Variants in ENKUR observed in about 807,000 individuals in gnomAD.
ENKUR encodes the protein enkurin, TRPC channel interacting protein.
ENKUR carries 19 observed loss-of-function variants against 27.6 expected under a neutral mutation model. That is an observed-to-expected ratio of 0.69 (90% CI 0.48 to 1.01). The LOEUF (loss-of-function observed/expected upper bound fraction) is 1.01, where lower values mean the gene tolerates loss of function less well. Among genes scored for constraint, ENKUR ranks in the 50% least tolerant of loss-of-function variants. ENKUR has a pLI of 0.00. For synonymous variants in ENKUR, 117 were observed against 96.9 expected (o/e 1.21, Z -1.22); for missense variants, 312 against 310.5 (o/e 1.00, Z -0.04).
upstream of ENKUR, among the ~76,000 whole-genome samples, chr10:25,017,381 A>G (rs1850624119): frequency 6.6e-6 from 1 of 152,112 alleles, no homozygotes; most frequent in Non-Finnish European, 1.5e-5. Flanking sequence ...AGGAAGATGG[A>G]TGCCTCTGAA....
At chr10:25,041,110 T>C in intron 2 of ENKUR, among the ~76,000 whole-genome samples, 1 of 152,342 alleles carries the variant, frequency 6.6e-6, no homozygotes, top group Non-Finnish European at 1.5e-5. Flanking sequence ...TTTAGTCACT[T>C]TTTTTTCATT....
chr10:25,055,800 C>T (rs922103585), intron 2 of ENKUR, among the ~76,000 whole-genome samples: 1 of 152,148 alleles, frequency 6.6e-6, no homozygotes, highest in Non-Finnish European at 1.5e-5. Flanking sequence ...CGGTATGATG[C>T]ATCTGTTTAT....
chr10:25,001,514 T>C (rs1481240726), intron 1 of ENKUR, among the ~76,000 whole-genome samples: 1 of 152,142 alleles, frequency 6.6e-6, no homozygotes, highest in African/African-American at 2.4e-5. Context: ...CTTTGACTGC[T>C]TGATATTGTT....
At position 24,995,781 on chromosome 10, in the gene ENKUR, A is replaced by G. The variant is rs1850037426; in HGVS notation, c.312T>C (p.Asn104=). 6.2e-7 allele frequency: 1 copy of G among 1,613,878 alleles called. No individual in the cohort carries two copies. The highest frequency in any genetic ancestry group is 8.5e-7 in the Non-Finnish European group (1 of 1,179,980). ...TATCAGCTGCATTTGTATTTATAAA[A>G]TTTTTTCCACTCTGTATTCCCATGA... ...HPVMGIQSGK[N]FINTNAADII... is the part of the protein sequence containing the mutation. Residue 104 remains asparagine, a synonymous_variant, in exon 3 of 6, where the codon AAT becomes AAC. Transcript: ENST00000331161.
intron 2 of ENKUR, chr10:25,025,173 A>C: frequency 6.2e-7 from 1 of 1,614,208 alleles, no homozygotes; most frequent in Non-Finnish European, 8.5e-7. Flanking sequence ...AAGTGGTTGC[A>C]GATAGGGTGC....
chr10:25,025,376 T>G (rs775488389), intron 2 of ENKUR: 1 of 1,614,228 alleles, frequency 6.2e-7, no homozygotes, highest in East Asian at 2.2e-5. Context: ...CAAGAGAAGA[T>G]GGAGTACCAG....
intron 2 of ENKUR, among the ~76,000 whole-genome samples, chr10:25,038,939 G>A (rs1243789167): frequency 1.3e-5 from 2 of 152,196 alleles, no homozygotes; most frequent in Non-Finnish European, 2.9e-5. Context: ...ATAAAAATGT[G>A]TACAGTGAGA....
upstream of ENKUR, chr10:25,016,190 G>A: frequency 1.7e-6 from 2 of 1,177,058 alleles, no homozygotes; most frequent in Non-Finnish European, 2.1e-6. Context: ...ACTAGGCAAC[G>A]AGGAAGTGGC....
At chr10:25,041,864 A>T (rs1851068161) in intron 2 of ENKUR, among the ~76,000 whole-genome samples, 1 of 152,202 alleles carries the variant, frequency 6.6e-6, no homozygotes, top group Non-Finnish European at 1.5e-5. Flanking sequence ...AAAGACACAA[A>T]AGACTATGGA....
At chr10:25,039,842 C>A (rs1438317795) in intron 2 of ENKUR, among the ~76,000 whole-genome samples, 1 of 151,546 alleles carries the variant, frequency 6.6e-6, no homozygotes, top group Non-Finnish European at 1.5e-5. Flanking sequence ...TCAACTGGAG[C>A]TGGAGGATCC....
upstream of ENKUR, among the ~76,000 whole-genome samples, chr10:25,020,516 C>A (rs1850698767): frequency 6.6e-6 from 1 of 151,952 alleles, no homozygotes; most frequent in South Asian, 2.1e-4. Flanking sequence ...CCTCTAATCC[C>A]AGCACTTTGG....
intron 1 of ENKUR, among the ~76,000 whole-genome samples, chr10:25,012,228 C>T (rs758242012): frequency 6.6e-5 from 10 of 152,188 alleles, no homozygotes; most frequent in East Asian, 1.9e-4. Flanking sequence ...AGATGTGCTT[C>T]GGGGCAGAGC....
chr10:25,057,531 A>T (rs1851275434), intron 2 of ENKUR, among the ~76,000 whole-genome samples: 1 of 152,262 alleles, frequency 6.6e-6, no homozygotes, highest in East Asian at 1.9e-4. Flanking sequence ...ATAACATTTT[A>T]TTCAATGAAT....
rs141651847 is a variant in ENKUR at position 24,984,849 on chromosome 10, A to G, written c.651T>C (p.Phe217=). 1 of 1,613,812 alleles carries G rather than the reference A, an allele frequency of 6.2e-7. No homozygotes were observed. The highest frequency in any genetic ancestry group is 8.5e-7 in the Non-Finnish European group (1 of 1,179,878). The change falls in exon 5 of 6, where the codon TTT becomes TTC. Residue 217 remains phenylalanine (F), a synonymous_variant. Coordinates refer to ENST00000331161, the MANE Select transcript of ENKUR (RefSeq NM_145010.4). ...VHKEFQSLSV[F]IDSIPKKIRK... ...GGATCTTCTTTGGTATAGAATCTAT[A>G]AAGACCGAGAGGGACTGGAATTCTT...
intron 1 of ENKUR, among the ~76,000 whole-genome samples, chr10:25,001,919 G>A (rs1850196400): frequency 1.3e-5 from 2 of 152,000 alleles, no homozygotes; most frequent in Admixed American, 6.6e-5. Flanking sequence ...ATTTTTGATT[G>A]GATGCCAAAC....
intron 2 of ENKUR, among the ~76,000 whole-genome samples, chr10:25,033,212 G>A (rs1850956443): frequency 6.6e-6 from 1 of 151,902 alleles, no homozygotes; most frequent in Non-Finnish European, 1.5e-5. Flanking sequence ...TTCAAGACCA[G>A]CCTGGTTAAC....
At chr10:24,991,862 C>T (rs768130524) in intron 3 of ENKUR, among the ~76,000 whole-genome samples, 67 of 152,198 alleles carry the variant, frequency 4.4e-4, no homozygotes, top group Non-Finnish European at 7.6e-4. Flanking sequence ...CTGTAACACA[C>T]GCCCACTGCG....
intron 5 of ENKUR, 111 bp downstream of exon 5, chr10:24,984,624 AT>A: frequency 9.1e-7 from 1 of 1,100,636 alleles, no homozygotes; most frequent in South Asian, 1.7e-5. Context: ...GATTAAGACT[AT>A]TTTTATTCTC....
intron 2 of ENKUR, among the ~76,000 whole-genome samples, chr10:25,043,835 C>T (rs1463521837): frequency 6.6e-6 from 1 of 151,210 alleles, no homozygotes; most frequent in Non-Finnish European, 1.5e-5. Flanking sequence ...CTTTAGTTAA[C>T]TGATTCTTTC....
Sources: allele counts gnomAD v4.1 joint callset (sites outside exome capture counted in the v4.1 genomes callset), GRCh38; gene constraint gnomAD v4.1.1; transcripts MANE v1.5; gene names NCBI Gene and HGNC (gene_info 2026-07-23, HGNC 2026-07-21).